FANCA: variants seen among roughly 807,000 people sequenced by gnomAD.
FANCA encodes the protein FA complementation group A.
A neutral mutation model predicts 194.3 loss-of-function variants in FANCA; 236 were observed. The observed-to-expected ratio is 1.21, with a 90% CI of 1.09 to 1.35. FANCA has a LOEUF of 1.35. Ranked by LOEUF, FANCA falls within the 40% of genes most tolerant of loss-of-function variation. FANCA has a pLI of 0.00. For missense variants in FANCA, 2,628 were observed against 1,813.9 expected (o/e 1.45, Z -8.15); for synonymous variants, 1,014 against 715.8 (o/e 1.42, Z -6.65).
chr16:89,737,933 G>C lies in FANCA; in HGVS notation c.*668C>G, dbSNP rs1460346808. ...AAGTGTGAGTCAGGACCCCCTCCCA[G>C]GGCTGTGGCCCTCGCACCTTCTTAT... On this transcript the variant is annotated 3_prime_UTR_variant, in exon 43 of 43. Transcript: ENST00000389301. 2 of 1,613,874 alleles carry C rather than the reference G, an allele frequency of 1.2e-6. No individual in the cohort carries two copies. Among genetic ancestry groups the C allele is most frequent in the Non-Finnish European group, 1.7e-6 (2 of 1,179,892 alleles).
rs140412064 is a variant in FANCA at position 89,811,054 on chromosome 16, G to C, written c.301C>G (p.Gln101Glu). The C allele has an allele frequency of 5.0e-6, 8 of 1,613,902 alleles. No homozygotes were observed. The African/African-American group carries it at 6.7e-5, about 13-fold the overall frequency. The stretch of plus-strand genomic sequence containing the variant: ...ACGGGAACCCCCAGCCTTGAGGCTT[G>C]ATCCTGCAAAGCAGAGCCTTAAACA... ...SSFIGSALQD[Q>E]ASRLGVPVGI... Residue 101 changes from glutamine (Q) to glutamate (E), a missense_variant, in exon 4 of 43, where the codon CAA becomes GAA. By Grantham distance (29) the Gln-to-Glu change is conservative (BLOSUM62 2). Coordinates refer to ENST00000389301, the MANE Select transcript of FANCA (RefSeq NM_000135.4).
chr16:89,759,004 G>A (rs568014418), intron 29 of FANCA, among the ~76,000 whole-genome samples: 2 of 152,208 alleles, frequency 1.3e-5, no homozygotes, highest in East Asian at 3.9e-4. Context: ...CATGAGCTTG[G>A]TGAACAGAAT....
chr16:89,796,044 C>G, intron 10 of FANCA, 26 bp from the exon 11 acceptor site: 1 of 1,577,452 alleles, frequency 6.3e-7, no homozygotes, highest in Admixed American at 1.7e-5. Context: ...AAAGAGGGGT[C>G]AGGAAAGGGA....
chr16:89,790,804 G>A (rs34665267), intron 14 of FANCA, among the ~76,000 whole-genome samples: 61,946 of 151,370 alleles, frequency 0.41, 13,936 homozygotes, highest in East Asian at 0.76. Context: ...CCACTTCTGT[G>A]TCCCCTCTTT....
intron 6 of FANCA, among the ~76,000 whole-genome samples, chr16:89,806,140 T>C (rs1425312554): frequency 6.6e-6 from 1 of 151,982 alleles, no homozygotes; most frequent in Non-Finnish European, 1.5e-5. Context: ...CTTGAACTCC[T>C]GACCTCAGGT....
chr16:89,739,160 A>C lies in FANCA; in HGVS notation c.4140T>G (p.Ala1380=). ...GACCCTTGAGCTCCAGGCTCCTGCCAGCTGGAGGTGAAACTGTGCTTGTAT... is the reference window on the plus strand; with the variant it reads ...GACCCTTGAGCTCCAGGCTCCTGCCCGCTGGAGGTGAAACTGTGCTTGTAT... The part of the protein sequence containing the change: ...AGDTSTVSPP[A]GRSLELKGQG... The change falls in exon 41 of 43, where the codon GCT becomes GCG. Residue 1380 remains alanine, a synonymous_variant. Transcript: ENST00000389301. 1 of 1,614,162 alleles carries C rather than the reference A, an allele frequency of 6.2e-7. No individual in the cohort carries two copies. The highest frequency in any genetic ancestry group is 8.5e-7 in the Non-Finnish European group (1 of 1,180,040).
intron 32 of FANCA, among the ~76,000 whole-genome samples, chr16:89,749,193 C>T (rs1033761926): frequency 1.3e-4 from 20 of 152,070 alleles, no homozygotes; most frequent in Non-Finnish European, 2.6e-4. Flanking sequence ...CTGCGACGTC[C>T]CTCCACGTCT....
At position 89,798,140 on chromosome 16, in the gene FANCA, C is replaced by A. The variant is rs184835542; in HGVS notation, c.893+1026G>T. Among the ~76,000 whole-genome samples, 398 of 152,184 alleles carry A rather than the reference C, an allele frequency of 2.6e-3. 1 individual carries two copies. The highest frequency in any genetic ancestry group is 4.4e-3 in the Non-Finnish European group (299 of 67,998). On this transcript the variant is annotated intron_variant, in intron 10 of 42. Transcript: ENST00000389301. ...TGAGATGACTGCCCGGAGAAGACAC[C>A]AGAGGGCTTGCTCTCCCCTCTCTAC...
rs1407800718 is a variant in FANCA at position 89,784,972 on chromosome 16, G to A, written c.1360-8C>T. On this transcript the variant is annotated splice_region_variant and splice_polypyrimidine_tract_variant and intron_variant, in intron 14 of 42. Transcript: ENST00000389301. ...TGTGCTCCCAAAGGAGGCCTGTGTG[G>A]AGAGAAGAGCGTGAAGCCCAGGACA... 1 of 1,607,312 alleles carries A rather than the reference G, an allele frequency of 6.2e-7. No individual in the cohort carries two copies. The highest frequency in any genetic ancestry group is 8.5e-7 in the Non-Finnish European group (1 of 1,174,970).
intron 38 of FANCA, 36 bp downstream of exon 38, chr16:89,740,768 G>A: frequency 3.8e-6 from 6 of 1,597,292 alleles, no homozygotes; most frequent in Non-Finnish European, 5.1e-6. Flanking sequence ...GGCCCACAGT[G>A]GGAGAGGACA....
rs201901337 is a variant in FANCA, at chr16:89,814,578, G to C, written c.225C>G (p.Ser75Arg). 1 of 1,613,880 alleles carries C rather than the reference G, an allele frequency of 6.2e-7. No individual in the cohort carries two copies. ...EGPLCKKLSL[S>R]KVIDCDSSEA... is the part of the protein sequence containing the mutation. ...CAGAACTGTCACAGTCAATCACTTTGCTGAGAGACAATTTTTTACACAGTG... is the reference window on the plus strand; with the variant it reads ...CAGAACTGTCACAGTCAATCACTTTCCTGAGAGACAATTTTTTACACAGTG... The change falls in exon 3 of 43, where the codon AGC becomes AGG. Residue 75 changes from serine to arginine, a missense_variant. Ser to Arg is a moderately radical substitution (Grantham distance 110). Transcript: ENST00000389301.
chr16:89,784,208 AG>A (rs1342962223), intron 15 of FANCA, among the ~76,000 whole-genome samples: 12 of 152,164 alleles, frequency 7.9e-5, no homozygotes, highest in African/African-American at 2.9e-4. Context: ...ACTAAAAAAA[AG>A]AAAAAAAGAA....
chr16:89,785,210 AT>A (rs1427709615), intron 14 of FANCA, among the ~76,000 whole-genome samples: 11 of 152,224 alleles, frequency 7.2e-5, no homozygotes, highest in African/African-American at 2.7e-4. Flanking sequence ...TGGTTCATAC[AT>A]TTACAGATGT....
At chr16:89,811,219 C>G (rs1297904801) in intron 3 of FANCA, 148 bp from the exon 4 acceptor site, 5 of 965,458 alleles carry the variant, frequency 5.2e-6, no homozygotes, top group Non-Finnish European at 7.9e-6. Flanking sequence ...AAGGGAAAAA[C>G]ATGAGATAAA....
intron 35 of FANCA, among the ~76,000 whole-genome samples, chr16:89,745,732 A>G (rs1423264536): frequency 7.9e-6 from 1 of 126,724 alleles, no homozygotes; most frequent in Admixed American, 7.7e-5. Context: ...GCTGGGAACA[A>G]AACAGTGAAG....
In FANCA at chr16:89,762,011, T is replaced by C; in HGVS notation, c.2790A>G (p.Gln930=). Residue 930 remains glutamine (Q), a synonymous_variant, in exon 29 of 43, where the codon CAA becomes CAG. Coordinates refer to ENST00000389301, the MANE Select transcript of FANCA (RefSeq NM_000135.4). Reference sequence around the variant, plus strand: ...TTTCCAGCTCCAGGTGTAACCAGTCTTGGTAAGTTAACTGAGAAAGAGAGC... The same window carrying C: ...TTTCCAGCTCCAGGTGTAACCAGTCCTGGTAAGTTAACTGAGAAAGAGAGC... ...LKEEDVHLTY[Q]DWLHLELEIQ... 6.2e-7 allele frequency: 1 copy of C among 1,613,720 alleles called. No homozygotes were observed. The highest frequency in any genetic ancestry group is 1.3e-5 in the African/African-American group (1 of 75,026).
At chr16:89,770,284 C>T in intron 24 of FANCA, 25 bp from the exon 25 acceptor site, 1 of 1,541,316 alleles carries the variant, frequency 6.5e-7, no homozygotes, top group Non-Finnish European at 8.8e-7. Context: ...GTGAAACCAT[C>T]AGTACTAGCC....
chr16:89,775,945 G>T (rs1160790553), intron 20 of FANCA, 130 bp from the exon 21 acceptor site: 1 of 467,164 alleles, frequency 2.1e-6, no homozygotes, highest in African/African-American at 2.0e-5. Context: ...TGTACAGTAT[G>T]AGCCTGTTTT....
At chr16:89,793,654 C>T (rs1363980680) in intron 11 of FANCA, among the ~76,000 whole-genome samples, 3 of 151,708 alleles carry the variant, frequency 2.0e-5, no homozygotes, top group Non-Finnish European at 2.9e-5. Context: ...GTGCAGTGCT[C>T]ACCACAGCCT....
Sources: gnomAD v4.1 joint callset for allele counts (sites outside exome capture counted in the v4.1 genomes callset) on GRCh38, gnomAD v4.1.1 for gene constraint, MANE v1.5 for transcripts, NCBI Gene and HGNC (gene_info 2026-07-23, HGNC 2026-07-21) for gene names.